Variants in WASF3 observed in about 807,000 individuals in gnomAD.
The protein encoded by WASF3 is WASP family member 3, also known as actin-binding protein WASF3.
Under a neutral mutation model 46.6 loss-of-function variants are expected in WASF3, and 11 were observed. That is an observed-to-expected ratio of 0.24 (90% CI 0.15 to 0.39). The LOEUF is 0.39. Ranked by LOEUF, WASF3 falls within the 10% of genes least tolerant of loss-of-function variation. The probability of loss-of-function intolerance (pLI) is 1.00; values close to 1 mark genes in which losing one functional copy is unlikely to be tolerated. For missense variants in WASF3, 576 were observed against 669.8 expected (o/e 0.86, Z 1.55); for synonymous variants, 242 against 259.7 (o/e 0.93, Z 0.65).
intron 1 of WASF3, among the ~76,000 whole-genome samples, chr13:26,612,605 A>G (rs1881011882): frequency 6.6e-6 from 1 of 152,234 alleles, no homozygotes; most frequent in African/African-American, 2.4e-5. Context: ...GATTACTATT[A>G]TTTGATTCAG....
chr13:26,607,627 G>C (rs1416879537), intron 1 of WASF3, among the ~76,000 whole-genome samples: 1 of 151,538 alleles, frequency 6.6e-6, no homozygotes, highest in Non-Finnish European at 1.5e-5. Context: ...TTTCAGAGCA[G>C]TTTTTTGTTT....
intron 5 of WASF3, among the ~76,000 whole-genome samples, chr13:26,668,901 T>A (rs1882847570): frequency 1.3e-5 from 2 of 152,234 alleles, no homozygotes. Context: ...TTGCATTTGT[T>A]CAATAGGCAT....
At chr13:26,645,437 T>G (rs1209362799) in intron 3 of WASF3, among the ~76,000 whole-genome samples, 2 of 152,200 alleles carry the variant, frequency 1.3e-5, no homozygotes, top group Non-Finnish European at 1.5e-5. Flanking sequence ...TCAAATTGCC[T>G]GTGACACTGA....
At chr13:26,579,848 A>G (rs926391575) in intron 1 of WASF3, among the ~76,000 whole-genome samples, 1 of 152,216 alleles carries the variant, frequency 6.6e-6, no homozygotes, top group African/African-American at 2.4e-5. Flanking sequence ...AAACTGAATC[A>G]TGCTGAAGAT....
chr13:26,634,422 G>C (rs1302745386), intron 2 of WASF3, among the ~76,000 whole-genome samples: 2 of 152,100 alleles, frequency 1.3e-5, no homozygotes, highest in Non-Finnish European at 2.9e-5. Flanking sequence ...CACACTGATG[G>C]GTCTTGACTT....
At chr13:26,579,186 A>G (rs6491137) in intron 1 of WASF3, among the ~76,000 whole-genome samples, 127,197 of 150,572 alleles carry the variant, frequency 0.84, 53,756 homozygotes, top group East Asian at 0.9. Flanking sequence ...TTTTTTTTTA[A>G]AGATGGGGTC....
chr13:26,687,332 C>T lies in WASF3; in HGVS notation c.*1487C>T, dbSNP rs1883438556. On this transcript the variant is annotated 3_prime_UTR_variant, in exon 10 of 10. Transcript: ENST00000335327. ...GTTGAGAAGAATCTGGAGCTAAAAG[C>T]AGAGATGTTTGAGGTGACGGTAGGA... 6.6e-6 allele frequency: 1 copy of T among 152,150 alleles called. No homozygotes were observed. Among genetic ancestry groups the T allele is most frequent in the South Asian group, 2.1e-4 (1 of 4,820 alleles). 9.4% of individuals were successfully genotyped at this position (152,150 alleles called of 1,614,324 possible).
intron 1 of WASF3, among the ~76,000 whole-genome samples, chr13:26,561,915 T>A (rs915156166): frequency 1.3e-4 from 20 of 152,366 alleles, no homozygotes; most frequent in African/African-American, 4.8e-4. Flanking sequence ...AGTGTACACA[T>A]ACTGTATTAG....
intron 2 of WASF3, among the ~76,000 whole-genome samples, chr13:26,628,324 A>C (rs2137255607): frequency 6.6e-6 from 1 of 152,338 alleles, no homozygotes; most frequent in East Asian, 1.9e-4. Flanking sequence ...AACTTTTCTA[A>C]AACAAGGTGC....
In WASF3 at chr13:26,651,730, T is replaced by C. The variant is rs1481594505; in HGVS notation, c.133+9327T>C. Among the ~76,000 whole-genome samples, 17 of 152,230 alleles carry C rather than the reference T, an allele frequency of 1.1e-4. 1 individual carries two copies. ...AAAAGGTCATCAATAATTAGGTCTG[T>C]ATCTGCTTAAAAGACTAGTAACTGT... On this transcript the variant is annotated intron_variant, in intron 3 of 9. Coordinates refer to ENST00000335327, the MANE Select transcript of WASF3 (RefSeq NM_006646.6).
At chr13:26,593,143 G>C (rs1880354728) in intron 1 of WASF3, among the ~76,000 whole-genome samples, 1 of 152,128 alleles carries the variant, frequency 6.6e-6, no homozygotes, top group African/African-American at 2.4e-5. Context: ...GCGTTGTACT[G>C]TAATGAAAGT....
rs370040289 is a variant in WASF3, at chr13:26,614,083, TTC to T, written c.-11+1027_-11+1028del. On this transcript the variant is annotated intron_variant, in intron 2 of 9. Transcript: ENST00000335327. ...AATTTTCCTTTTCTTTCTTTCTTTT[TTC>T]TTTTGGAAGGATAGGGAGAGAATAA... is the stretch of plus-strand genomic sequence containing the variant. Among the ~76,000 whole-genome samples, 385 of 152,306 alleles carry T rather than the reference TTC, an allele frequency of 2.5e-3. 2 individuals are homozygous for T. Among genetic ancestry groups the T allele is most frequent in the African/African-American group, 8.8e-3 (364 of 41,570 alleles).
intron 2 of WASF3, among the ~76,000 whole-genome samples, chr13:26,615,116 C>G (rs1341108277): frequency 6.6e-6 from 1 of 151,958 alleles, no homozygotes; most frequent in African/African-American, 2.4e-5. Flanking sequence ...CTATGTCTAT[C>G]TGGTTGCTAA....
At chr13:26,622,278 C>T (rs1367149190) in intron 2 of WASF3, among the ~76,000 whole-genome samples, 5 of 152,262 alleles carry the variant, frequency 3.3e-5, no homozygotes, top group African/African-American at 1.2e-4. Context: ...TTAATGGCTG[C>T]ATAGTGGAGA....
intron 4 of WASF3, among the ~76,000 whole-genome samples, chr13:26,666,818 G>C (rs571873739): frequency 9.9e-5 from 13 of 131,008 alleles, no homozygotes; most frequent in African/African-American, 3.8e-4. Context: ...AGAATGGCAC[G>C]AACCCGGGAG....
At chr13:26,589,766 T>C (rs912589121) in intron 1 of WASF3, among the ~76,000 whole-genome samples, 25 of 152,220 alleles carry the variant, frequency 1.6e-4, no homozygotes, top group African/African-American at 4.8e-4. Flanking sequence ...CTTCTGCCTC[T>C]GAGGGAATGT....
chr13:26,608,685 G>T (rs115847774), intron 1 of WASF3, among the ~76,000 whole-genome samples: 1 of 152,188 alleles, frequency 6.6e-6, no homozygotes, highest in Non-Finnish European at 1.5e-5. Context: ...CGGAACCGTT[G>T]TAGCAATGGG....
chr13:26,630,843 A>T (rs1341641391), intron 2 of WASF3, among the ~76,000 whole-genome samples: 2 of 152,120 alleles, frequency 1.3e-5, no homozygotes, highest in Non-Finnish European at 2.9e-5. Flanking sequence ...CTTTTTAATG[A>T]TTGCCATTCT....
chr13:26,649,678 T>A (rs963646139), intron 3 of WASF3, among the ~76,000 whole-genome samples: 1 of 152,220 alleles, frequency 6.6e-6, no homozygotes, highest in African/African-American at 2.4e-5. Flanking sequence ...TCAGAGGGGC[T>A]TCCACACTTG....
Sources: gnomAD v4.1 joint callset for allele counts (sites outside exome capture counted in the v4.1 genomes callset) on GRCh38, gnomAD v4.1.1 for gene constraint, MANE v1.5 for transcripts, NCBI Gene and HGNC (gene_info 2026-07-23, HGNC 2026-07-21) for gene names.